PTPRZ1: variants seen among roughly 807,000 people sequenced by gnomAD.
PTPRZ1 encodes receptor-type tyrosine-protein phosphatase zeta.
Under a neutral mutation model 214.1 loss-of-function variants are expected in PTPRZ1, and 82 were observed. The ratio of observed to expected loss-of-function variants is 0.38; its 90% CI spans 0.32 to 0.46. The LOEUF is 0.46. PTPRZ1 is among the 20% of genes least tolerant of loss of function. The probability of loss-of-function intolerance (pLI) is 1.00; values close to 1 mark genes in which losing one functional copy is unlikely to be tolerated. For synonymous variants in PTPRZ1, 945 were observed against 987.9 expected (o/e 0.96, Z 0.81); for missense variants, 2,603 against 2,748.7 (o/e 0.95, Z 1.19).
intron 13 of PTPRZ1, among the ~76,000 whole-genome samples, chr7:122,023,557 AT>A (rs1799095297): frequency 5.0e-5 from 6 of 121,142 alleles, no homozygotes; most frequent in African/African-American, 2.1e-4. Context: ...AATTATATAT[AT>A]TATATGTATA....
At chr7:122,059,636 T>A in intron 28 of PTPRZ1, 117 bp from the exon 29 acceptor site, 1 of 1,157,878 alleles carries the variant, frequency 8.6e-7, no homozygotes, top group Non-Finnish European at 1.2e-6. Flanking sequence ...AGACAATTCA[T>A]TAAAAGTTTC....
In PTPRZ1 at chr7:121,984,040, A is replaced by G. The variant is rs1797697279; in HGVS notation, c.851A>G (p.Asn284Ser). The change falls in exon 8 of 30, where the codon AAT (asparagine) becomes AGT (serine). Residue 284 changes from asparagine (N) to serine (S), a missense_variant. Physicochemically the swap from Asn to Ser is conservative, Grantham distance 46. This residue lies in a region of PTPRZ1 where 244 missense variants were observed against 333.2 expected (regional missense o/e 0.73). Transcript: ENST00000393386. ...ATGCTGATGGACTACTTACAAAACAATTTTCGAGAGCAACAGTACAAGTTC... is the reference window on the plus strand; with the variant it reads ...ATGCTGATGGACTACTTACAAAACAGTTTTCGAGAGCAACAGTACAAGTTC... ...YVMLMDYLQN[N>S]FREQQYKFSR... The G allele has an allele frequency of 6.2e-7, 1 of 1,613,642 alleles. No homozygotes were observed. Among genetic ancestry groups the G allele is most frequent in the Non-Finnish European group, 8.5e-7 (1 of 1,179,708 alleles).
intron 12 of PTPRZ1, among the ~76,000 whole-genome samples, chr7:122,017,578 T>TATTTATTTATTTATTTA (rs1562865238): frequency 6.6e-6 from 1 of 151,350 alleles, no homozygotes; most frequent in African/African-American, 2.4e-5. Flanking sequence ...TTTATTTATT[T>TATTTATTTATTTATTTA]TGAGATAGAG....
chr7:121,996,633 C>A, intron 9 of PTPRZ1, 67 bp downstream of exon 9: 1 of 1,229,440 alleles, frequency 8.1e-7, no homozygotes, highest in Non-Finnish European at 1.1e-6. Context: ...TAAGAACTTA[C>A]AAATGGTTGT....
At chr7:121,949,942 A>T (rs941016191) in intron 2 of PTPRZ1, among the ~76,000 whole-genome samples, 1 of 152,230 alleles carries the variant, frequency 6.6e-6, no homozygotes, top group Non-Finnish European at 1.5e-5. Flanking sequence ...AGAGTGTCCT[A>T]TAGTGAATTC....
intron 2 of PTPRZ1, among the ~76,000 whole-genome samples, chr7:121,961,948 A>G (rs1321694074): frequency 6.6e-5 from 10 of 152,104 alleles, no homozygotes; most frequent in Non-Finnish European, 1.0e-4. Flanking sequence ...TGTCCTCTTT[A>G]TGTGTTAATC....
intron 1 of PTPRZ1, among the ~76,000 whole-genome samples, chr7:121,877,609 C>T (rs1393564373): frequency 6.6e-6 from 1 of 152,152 alleles, no homozygotes; most frequent in African/African-American, 2.4e-5. Flanking sequence ...AAGTGCCCGA[C>T]ATCTGCAAGG....
chr7:121,943,161 G>A (rs1190680376), intron 2 of PTPRZ1, among the ~76,000 whole-genome samples: 1 of 152,034 alleles, frequency 6.6e-6, no homozygotes, highest in Admixed American at 6.5e-5. Context: ...CTTTACAAGC[G>A]TGCTTTGTAT....
At chr7:121,953,278 G>T (rs1033012999) in intron 2 of PTPRZ1, among the ~76,000 whole-genome samples, 1 of 152,128 alleles carries the variant, frequency 6.6e-6, no homozygotes, top group African/African-American at 2.4e-5. Flanking sequence ...TGCTTGTGAA[G>T]AAATACATTT....
chr7:122,031,558 A>C lies in PTPRZ1; in HGVS notation c.5165A>C (p.Glu1722Ala), dbSNP rs1412579619. Residue 1722 changes from glutamate (E) to alanine (A), a missense_variant and splice_region_variant, in exon 15 of 30, where the codon GAG (glutamate) becomes GCG (alanine). By Grantham distance (107) the Glu-to-Ala change is moderately radical. This residue lies in a region of PTPRZ1 where 1,913 missense variants were observed against 1,914.3 expected (regional missense o/e 1.00). Coordinates refer to ENST00000393386, the MANE Select transcript of PTPRZ1 (RefSeq NM_002851.3). ...HASSGFTEEFETLKEFYQEVQ... is the reference protein window; with the variant it reads ...HASSGFTEEFATLKEFYQEVQ... ...AGTAGTGGGTTTACTGAAGAATTTG[A>C]GGTATGATTTTAATATGTCTATTTT... The C allele has an allele frequency of 6.3e-7, 1 of 1,592,216 alleles. No individual in the cohort carries two copies. The highest frequency in any genetic ancestry group is 1.3e-5 in the African/African-American group (1 of 74,378).
chr7:122,040,700 C>T, intron 20 of PTPRZ1, 116 bp from the exon 21 acceptor site: 1 of 711,348 alleles, frequency 1.4e-6, no homozygotes, highest in Non-Finnish European at 2.0e-6. Flanking sequence ...TCAAATCAAG[C>T]TATGATTCCT....
At chr7:121,938,575 T>C (rs1168935515) in intron 2 of PTPRZ1, among the ~76,000 whole-genome samples, 2 of 152,238 alleles carry the variant, frequency 1.3e-5, no homozygotes, top group African/African-American at 4.8e-5. Flanking sequence ...TCTTCCTCGA[T>C]GTTTGCATTT....
chr7:122,006,431 T>C (rs146502792), intron 11 of PTPRZ1, among the ~76,000 whole-genome samples: 43 of 152,188 alleles, frequency 2.8e-4, no homozygotes, highest in African/African-American at 9.6e-4. Flanking sequence ...ATAACCACTA[T>C]TCTACACTCT....
chr7:122,036,860 T>C (rs1360870368), intron 18 of PTPRZ1, among the ~76,000 whole-genome samples, 178 bp downstream of exon 18: 1 of 152,208 alleles, frequency 6.6e-6, no homozygotes, highest in African/African-American at 2.4e-5. Context: ...AATTTTCATA[T>C]TAAATGACAT....
chr7:121,955,429 C>CTTTGTTTGTTTGTTTG (rs71172155), intron 2 of PTPRZ1, among the ~76,000 whole-genome samples: 4 of 150,488 alleles, frequency 2.7e-5, no homozygotes, highest in Non-Finnish European at 4.4e-5. Context: ...TCCACCAGGG[C>CTTTGTTTGTTTGTTTG]TTTGTTTGTT....
chr7:121,947,259 A>T (rs539006972), intron 2 of PTPRZ1, among the ~76,000 whole-genome samples: 256 of 85,458 alleles, frequency 3.0e-3, no homozygotes, highest in African/African-American at 5.6e-3. Context: ...TAAAATTATA[A>T]AAAAAAAAAA....
In PTPRZ1 at chr7:122,038,793, C is replaced by A. The variant is rs1432777598; in HGVS notation, c.5406C>A (p.Gly1802=). ...CAAAAGCTTATATTGCTGCCCAAGGCCCACTGAAATCCACAGCTGAAGATT... is the reference window on the plus strand; with the variant it reads ...CAAAAGCTTATATTGCTGCCCAAGGACCACTGAAATCCACAGCTGAAGATT... The part of the protein sequence containing the change: ...NRPKAYIAAQ[G]PLKSTAEDFW... Residue 1802 remains glycine (G), a synonymous_variant, in exon 19 of 30, where the codon GGC becomes GGA. Coordinates refer to ENST00000393386, the MANE Select transcript of PTPRZ1 (RefSeq NM_002851.3). 2 of 1,613,406 alleles carry A rather than the reference C, an allele frequency of 1.2e-6. No homozygotes were observed. The highest frequency in any genetic ancestry group is 2.7e-5 in the African/African-American group (2 of 74,854).
chr7:122,048,293 T>G (rs1028201060), intron 23 of PTPRZ1, among the ~76,000 whole-genome samples: 3 of 151,872 alleles, frequency 2.0e-5, no homozygotes, highest in African/African-American at 7.3e-5. Flanking sequence ...AAAAGACTAT[T>G]AAAATAGACA....
At chr7:122,058,129 T>C (rs1792428770) in intron 27 of PTPRZ1, among the ~76,000 whole-genome samples, 1 of 152,018 alleles carries the variant, frequency 6.6e-6, no homozygotes, top group Non-Finnish European at 1.5e-5. Flanking sequence ...ATTTCCTCTA[T>C]TGTTTTTCTT....
Sources: allele counts gnomAD v4.1 joint callset (sites outside exome capture counted in the v4.1 genomes callset), GRCh38; gene constraint gnomAD v4.1.1; regional missense constraint gnomAD v4.1.1; transcripts MANE v1.5; gene names NCBI Gene and HGNC (gene_info 2026-07-23, HGNC 2026-07-21).